The following FAM117B variants were observed in gnomAD, a reference collection of about 807,000 sequenced individuals.
FAM117B encodes the protein protein FAM117B.
In FAM117B, 22 loss-of-function variants were observed where a neutral mutation model predicts 52.8. The observed-to-expected ratio is 0.42, with a 90% CI of 0.30 to 0.59. The LOEUF (loss-of-function observed/expected upper bound fraction) is 0.59, where lower values mean the gene tolerates loss of function less well. Ranked by LOEUF, FAM117B falls within the 20% of genes least tolerant of loss-of-function variation. FAM117B has a pLI of 0.22. For synonymous variants in FAM117B, 309 were observed against 324.1 expected (o/e 0.95, Z 0.50); for missense variants, 678 against 802.6 (o/e 0.84, Z 1.88).
intron 1 of FAM117B, among the ~76,000 whole-genome samples, chr2:202,686,102 G>A (rs1690534058): frequency 3.3e-5 from 5 of 152,176 alleles, no homozygotes; most frequent in Admixed American, 1.3e-4. Flanking sequence ...GTTAAAAAAT[G>A]GACAATGGAT....
At chr2:202,691,838 C>T (rs1042627735) in intron 1 of FAM117B, among the ~76,000 whole-genome samples, 1 of 152,090 alleles carries the variant, frequency 6.6e-6, no homozygotes, top group Non-Finnish European at 1.5e-5. Flanking sequence ...AATGTGGGTA[C>T]ATATTTTCCT....
chr2:202,753,552 G>T (rs1691756216), intron 4 of FAM117B, among the ~76,000 whole-genome samples: 1 of 152,092 alleles, frequency 6.6e-6, no homozygotes, highest in Admixed American at 6.6e-5. Context: ...CTCAGCAAAA[G>T]AAACTATCAT....
intron 1 of FAM117B, among the ~76,000 whole-genome samples, chr2:202,683,717 T>C (rs2105771363): frequency 6.6e-6 from 1 of 152,310 alleles, no homozygotes; most frequent in South Asian, 2.1e-4. Context: ...AGTCGTGAAT[T>C]GTGTAAGAGT....
intron 1 of FAM117B, among the ~76,000 whole-genome samples, chr2:202,673,174 G>A (rs1690323478): frequency 6.6e-6 from 1 of 152,180 alleles, no homozygotes; most frequent in South Asian, 2.1e-4. Context: ...TTGGTTGCAA[G>A]TGAGTCTGTT....
chr2:202,756,616 C>G (rs947725770), intron 5 of FAM117B, among the ~76,000 whole-genome samples: 1 of 152,100 alleles, frequency 6.6e-6, no homozygotes, highest in Non-Finnish European at 1.5e-5. Flanking sequence ...ACACCCTCTC[C>G]TCCATCCTGC....
At chr2:202,690,335 C>T (rs1437236119) in intron 1 of FAM117B, among the ~76,000 whole-genome samples, 2 of 152,112 alleles carry the variant, frequency 1.3e-5, no homozygotes, top group African/African-American at 4.8e-5. Flanking sequence ...TTCTCTGCAT[C>T]TCAAGTCTTC....
chr2:202,668,291 C>T (rs563253633), intron 1 of FAM117B, among the ~76,000 whole-genome samples: 57 of 145,650 alleles, frequency 3.9e-4, no homozygotes, highest in Non-Finnish European at 5.4e-4. Context: ...ATATTAAATG[C>T]GGTGGCATGC....
In FAM117B at chr2:202,706,061, A is replaced by G. The variant is rs189936445; in HGVS notation, c.753+10029A>G. ...AAGGTCTCACTGTGTTTCCCAGGCT[A>G]GAGTGTAGTGGCTATTCACAGGCAT... On this transcript the variant is annotated intron_variant, in intron 2 of 7. Transcript: ENST00000392238. 1.2e-4 allele frequency among the ~76,000 whole-genome samples: 18 copies of G among 152,244 alleles called. No individual in the cohort carries two copies. The East Asian group carries it at 3.3e-3, about 28-fold the overall frequency.
At chr2:202,732,046 CTTTTTTTT>C (rs758181285) in intron 4 of FAM117B, among the ~76,000 whole-genome samples, 2 of 135,016 alleles carry the variant, frequency 1.5e-5, no homozygotes, top group Admixed American at 7.4e-5. Flanking sequence ...ATTTATTTTT[CTTTTTTTT>C]TTTTTTTTGT....
rs1031418445 is a variant in FAM117B, at chr2:202,675,742, TG to T, written c.602-20136del. Among the ~76,000 whole-genome samples the T allele has an allele frequency of 3.7e-4, 57 of 152,092 alleles. 1 individual carries two copies. The highest frequency in any genetic ancestry group is 3.7e-3 in the Admixed American group (57 of 15,266). On this transcript the variant is annotated intron_variant, in intron 1 of 7. Transcript: ENST00000392238. ...GCTCACCCCTGTAATCCTAGAATTCTGGGAGGCCGAGGTGGGCAGATCACTT... is the reference window on the plus strand; with the variant it reads ...GCTCACCCCTGTAATCCTAGAATTCTGGAGGCCGAGGTGGGCAGATCACTT...
At chr2:202,688,504 G>T (rs1690577098) in intron 1 of FAM117B, among the ~76,000 whole-genome samples, 1 of 151,650 alleles carries the variant, frequency 6.6e-6, no homozygotes, top group Non-Finnish European at 1.5e-5. Flanking sequence ...TAAAAGAAAA[G>T]GAAACTATAA....
intron 1 of FAM117B, among the ~76,000 whole-genome samples, chr2:202,689,537 A>T (rs1417207399): frequency 1.3e-5 from 2 of 152,174 alleles, no homozygotes; most frequent in Non-Finnish European, 2.9e-5. Context: ...TGTATACTTG[A>T]AAAAATTTCT....
chr2:202,696,126 G>A (rs1690708962), intron 2 of FAM117B, 94 bp downstream of exon 2: 2 of 1,308,188 alleles, frequency 1.5e-6, no homozygotes, highest in Non-Finnish European at 2.1e-6. Flanking sequence ...CAAACATTTA[G>A]TGTATATTAG....
rs1559094443 is a variant in FAM117B, at chr2:202,651,375, C to CT, written c.601+15587_601+15588insT. 1.5e-3 allele frequency among the ~76,000 whole-genome samples: 216 copies of CT among 141,292 alleles called. 4 individuals carry two copies. The highest frequency in any genetic ancestry group is 7.2e-3 in the South Asian group (32 of 4,462). 92.7% of individuals were successfully genotyped at this position (141,292 alleles called of 152,430 possible). A position where few individuals can be genotyped will look rare whatever the true frequency, so the allele number is the denominator to read the frequency against. On this transcript the variant is annotated intron_variant, in intron 1 of 7. Coordinates refer to ENST00000392238, the MANE Select transcript of FAM117B (RefSeq NM_173511.4). The stretch of plus-strand genomic sequence containing the variant: ...CGCTCCGGGCCCTTAATTTACCATT[C>CT]CTTTTTTTTTTTTTGAGATGGAGTT...
chr2:202,717,521 C>T (rs1217796751), intron 2 of FAM117B, among the ~76,000 whole-genome samples: 1 of 152,106 alleles, frequency 6.6e-6, no homozygotes, highest in Non-Finnish European at 1.5e-5. Flanking sequence ...TATTAGGGTG[C>T]ACCCCAAGCT....
intron 5 of FAM117B, among the ~76,000 whole-genome samples, chr2:202,756,603 C>T (rs1307405093): frequency 6.6e-6 from 1 of 152,000 alleles, no homozygotes; most frequent in Non-Finnish European, 1.5e-5. Context: ...AATACAGCTC[C>T]CCACACCCTC....
intron 7 of FAM117B, among the ~76,000 whole-genome samples, chr2:202,759,665 C>T (rs1691855280): frequency 6.6e-6 from 1 of 151,784 alleles, no homozygotes; most frequent in South Asian, 2.1e-4. Flanking sequence ...TCATGCCATT[C>T]TCCTGCCTCA....
At chr2:202,746,583 A>T (rs566443884) in intron 4 of FAM117B, among the ~76,000 whole-genome samples, 57 of 152,282 alleles carry the variant, frequency 3.7e-4, no homozygotes, top group Admixed American at 5.9e-4. Flanking sequence ...GAAAAGTATT[A>T]GAAGAAAGAT....
intron 1 of FAM117B, among the ~76,000 whole-genome samples, chr2:202,660,267 G>A (rs1690109540): frequency 6.6e-6 from 1 of 151,730 alleles, no homozygotes; most frequent in Non-Finnish European, 1.5e-5. Flanking sequence ...TATTTTACTT[G>A]AGACTCTGAG....
Sources: gnomAD v4.1 joint callset for allele counts (sites outside exome capture counted in the v4.1 genomes callset) on GRCh38, gnomAD v4.1.1 for gene constraint, MANE v1.5 for transcripts, NCBI Gene and HGNC (gene_info 2026-07-23, HGNC 2026-07-21) for gene names.